MARCHF1: variants seen among roughly 807,000 people sequenced by gnomAD.
The protein encoded by MARCHF1 is E3 ubiquitin-protein ligase MARCHF1.
Under a neutral mutation model 54.2 loss-of-function variants are expected in MARCHF1, and 40 were observed. That is an observed-to-expected ratio of 0.74 (90% confidence interval 0.57 to 0.96). MARCHF1 has a LOEUF of 0.96. Ranked by LOEUF, MARCHF1 falls within the 40% of genes least tolerant of loss-of-function variation. MARCHF1 has a pLI of 0.00. For synonymous variants in MARCHF1, 236 were observed against 236.3 expected, an observed-to-expected ratio of 1.00 and a Z score of 0.01; for missense variants, 586 against 656.5, an observed-to-expected ratio of 0.89 and a Z score of 1.17.
chr4:163,795,879 C>G (rs1747899779), intron 4 of MARCHF1, among the ~76,000 whole-genome samples: 1 of 152,058 alleles, frequency 6.6e-6, no homozygotes, highest in Non-Finnish European at 1.5e-5. Flanking sequence ...TTGATTAAGA[C>G]ATATTTTGCA....
At chr4:164,257,322 T>C (rs1017000472) in intron 1 of MARCHF1, among the ~76,000 whole-genome samples, 1 of 152,040 alleles carries the variant, frequency 6.6e-6, no homozygotes, top group African/African-American at 2.4e-5. Flanking sequence ...TTGGATAATT[T>C]TTCTTGTTTC....
At chr4:164,034,647 T>TAA (rs1753955467) in intron 2 of MARCHF1, among the ~76,000 whole-genome samples, 1 of 152,074 alleles carries the variant, frequency 6.6e-6, no homozygotes, top group Non-Finnish European at 1.5e-5. Context: ...TATATATATA[T>TAA]AATGATTACC....
At position 163,992,548 on chromosome 4, in the gene MARCHF1, G is replaced by A. The variant is rs185168312; in HGVS notation, c.-247-3839C>T. 1.9e-3 allele frequency among the ~76,000 whole-genome samples: 283 copies of A among 151,818 alleles called. 2 individuals carry two copies. Among genetic ancestry groups the A allele is most frequent in the Non-Finnish European group, 1.7e-3 (113 of 67,906 alleles). ...TAAGGTGATTAAATCATTTCAAGGC[G>A]TAGAGATGGTGTGAGATTGGCATAT... On this transcript the variant is annotated intron_variant, in intron 2 of 9. Coordinates refer to ENST00000514618, the MANE Select transcript of MARCHF1 (RefSeq NM_001394959.1).
chr4:163,818,644 T>C (rs1579311654), intron 4 of MARCHF1, among the ~76,000 whole-genome samples: 1 of 152,088 alleles, frequency 6.6e-6, no homozygotes, highest in Non-Finnish European at 1.5e-5. Context: ...TTGCATGTTA[T>C]CCTCTGGAAC....
At chr4:164,153,916 G>C (rs1177618222) in intron 1 of MARCHF1, among the ~76,000 whole-genome samples, 1 of 152,076 alleles carries the variant, frequency 6.6e-6, no homozygotes, top group African/African-American at 2.4e-5. Flanking sequence ...TAAGTTTACT[G>C]TTAATGACAG....
intron 5 of MARCHF1, among the ~76,000 whole-genome samples, chr4:163,678,911 T>TAAA (rs1391993361): frequency 6.6e-6 from 1 of 152,204 alleles, no homozygotes; most frequent in Non-Finnish European, 1.5e-5. Context: ...ATAAAATAAT[T>TAAA]TTATTTGATG....
chr4:163,644,846 T>A (rs1481663836), intron 5 of MARCHF1, among the ~76,000 whole-genome samples: 1 of 152,174 alleles, frequency 6.6e-6, no homozygotes, highest in African/African-American at 2.4e-5. Flanking sequence ...CTGTGCATCT[T>A]CAAAAGTCCC....
intron 1 of MARCHF1, among the ~76,000 whole-genome samples, chr4:164,165,082 CAGAT>C (rs769168574): frequency 6.6e-6 from 1 of 151,920 alleles, no homozygotes; most frequent in Non-Finnish European, 1.5e-5. Context: ...GAGCGCATGT[CAGAT>C]AGCCCAATGG....
At chr4:164,035,651 A>G (rs1303497226) in intron 2 of MARCHF1, among the ~76,000 whole-genome samples, 2 of 151,258 alleles carry the variant, frequency 1.3e-5, no homozygotes, top group Non-Finnish European at 1.5e-5. Context: ...AAAAAATCAG[A>G]AACAAAAATA....
chr4:164,152,415 C>G (rs1729966311), intron 1 of MARCHF1, among the ~76,000 whole-genome samples: 1 of 152,082 alleles, frequency 6.6e-6, no homozygotes, highest in Non-Finnish European at 1.5e-5. Flanking sequence ...GGGAGTCATG[C>G]TCTATAAACC....
intron 1 of MARCHF1, among the ~76,000 whole-genome samples, chr4:164,236,028 C>A (rs546971433): frequency 6.6e-6 from 1 of 152,152 alleles, no homozygotes; most frequent in East Asian, 1.9e-4. Context: ...TCTCCTGATA[C>A]GTAGGAAGCA....
chr4:163,604,911 A>G (rs976988715), intron 7 of MARCHF1, among the ~76,000 whole-genome samples: 5 of 152,072 alleles, frequency 3.3e-5, no homozygotes, highest in African/African-American at 1.2e-4. Context: ...ATGCTCTACT[A>G]GATGCAAGTT....
intron 4 of MARCHF1, among the ~76,000 whole-genome samples, chr4:163,837,519 G>A (rs899969663): frequency 1.1e-4 from 16 of 152,154 alleles, no homozygotes; most frequent in Middle Eastern, 3.4e-3. Context: ...CTTGTAAAAA[G>A]TGACTTGATT....
intron 4 of MARCHF1, among the ~76,000 whole-genome samples, chr4:163,786,348 C>T (rs1164362614): frequency 6.6e-6 from 1 of 151,886 alleles, no homozygotes; most frequent in African/African-American, 2.4e-5. Flanking sequence ...CGATTTGAGG[C>T]ATAGAGGCAC....
intron 1 of MARCHF1, among the ~76,000 whole-genome samples, chr4:164,299,987 G>A (rs886224448): frequency 6.6e-6 from 1 of 152,026 alleles, no homozygotes. Flanking sequence ...AATGTGTTCA[G>A]TTAGAAGAAA....
At chr4:163,837,540 A>G (rs1579327766) in intron 4 of MARCHF1, among the ~76,000 whole-genome samples, 1 of 152,162 alleles carries the variant, frequency 6.6e-6, no homozygotes, top group Admixed American at 6.5e-5. Flanking sequence ...CAGCTAAACT[A>G]TATCAAGGTA....
chr4:163,589,070 GA>G (rs34118569), intron 7 of MARCHF1, among the ~76,000 whole-genome samples: 137 of 128,056 alleles, frequency 1.1e-3, no homozygotes, highest in African/African-American at 2.2e-3. Flanking sequence ...TGTCTTATTT[GA>G]AAAAAAAAAA....
At chr4:163,986,620 T>C (rs1307806261) in intron 3 of MARCHF1, among the ~76,000 whole-genome samples, 3 of 152,126 alleles carry the variant, frequency 2.0e-5, no homozygotes, top group Non-Finnish European at 2.9e-5. Flanking sequence ...CATTAGAGTG[T>C]TTTTTGACCC....
intron 1 of MARCHF1, among the ~76,000 whole-genome samples, chr4:164,243,474 G>T (rs1732840996): frequency 6.6e-6 from 1 of 152,126 alleles, no homozygotes; most frequent in South Asian, 2.1e-4. Flanking sequence ...ACATGGAAAG[G>T]AACAACCAGT....
Sources: allele counts gnomAD v4.1 joint callset (sites outside exome capture counted in the v4.1 genomes callset), GRCh38; gene constraint gnomAD v4.1.1; transcripts MANE v1.5; gene names NCBI Gene and HGNC (gene_info 2026-07-23, HGNC 2026-07-21).